The following RGS6 variants were observed in gnomAD, a reference collection of about 807,000 sequenced individuals.
The protein encoded by RGS6 is regulator of G-protein signaling 6.
In RGS6, 30 loss-of-function variants were observed where a neutral mutation model predicts 78.5. That is an observed-to-expected ratio of 0.38 (90% CI 0.29 to 0.52). The LOEUF (loss-of-function observed/expected upper bound fraction) is 0.52, where lower values mean the gene tolerates loss of function less well. Ranked by LOEUF, RGS6 falls within the 20% of genes least tolerant of loss-of-function variation. The probability of loss-of-function intolerance (pLI) is 0.85; values close to 1 mark genes in which losing one functional copy is unlikely to be tolerated. For synonymous variants in RGS6, 206 were observed against 206.0 expected (o/e 1.00, Z 0.00); for missense variants, 495 against 609.7 (o/e 0.81, Z 1.98).
chr14:72,131,562 ATTGTCAAGT>A (rs2096316955), intron 2 of RGS6, among the ~76,000 whole-genome samples: 1 of 152,168 alleles, frequency 6.6e-6, no homozygotes. Flanking sequence ...GGTAACAGAA[ATTGTCAAGT>A]GCAAAGAAAC....
intron 2 of RGS6, among the ~76,000 whole-genome samples, chr14:72,336,787 G>C (rs2076103415): frequency 6.6e-6 from 1 of 152,056 alleles, no homozygotes; most frequent in Non-Finnish European, 1.5e-5. Flanking sequence ...TCAAGACAGG[G>C]TTGGTTCCTT....
chr14:72,546,659 T>C (rs1423559703), intron 17 of RGS6, among the ~76,000 whole-genome samples: 1 of 152,216 alleles, frequency 6.6e-6, no homozygotes, highest in African/African-American at 2.4e-5. Flanking sequence ...TGGCTTTCCC[T>C]GGTGGGCCCT....
intron 14 of RGS6, chr14:72,516,824 A>G (rs2096951585): frequency 6.6e-6 from 1 of 152,348 alleles, no homozygotes; most frequent in African/African-American, 2.4e-5. Flanking sequence ...TATGGCGTAG[A>G]CAGGATGAGG....
At chr14:71,966,815 C>T (rs2093549020) in intron 2 of RGS6, among the ~76,000 whole-genome samples, 1 of 152,030 alleles carries the variant, frequency 6.6e-6, no homozygotes, top group Non-Finnish European at 1.5e-5. Flanking sequence ...ATGATAAAAT[C>T]TCTAAATGTT....
At chr14:72,338,720 C>G (rs1310519835) in intron 2 of RGS6, among the ~76,000 whole-genome samples, 3 of 152,208 alleles carry the variant, frequency 2.0e-5, no homozygotes. Context: ...GTGATACCTG[C>G]TTGGAAAGCA....
At chr14:72,519,539 C>T (rs986391505) in intron 15 of RGS6, among the ~76,000 whole-genome samples, 3 of 152,156 alleles carry the variant, frequency 2.0e-5, no homozygotes, top group African/African-American at 7.2e-5. Context: ...CCAGAATTAC[C>T]TTGTCATTTG....
chr14:72,595,320 G>A, the RGS6 span, among the ~76,000 whole-genome samples: 5 of 152,158 alleles, frequency 3.3e-5, no homozygotes, highest in East Asian at 9.6e-4. Flanking sequence ...TAAGCAACCC[G>A]TATGTGTGGT....
chr14:72,122,772 C>T (rs1422936721), intron 2 of RGS6, among the ~76,000 whole-genome samples: 5 of 149,996 alleles, frequency 3.3e-5, no homozygotes, highest in Admixed American at 3.3e-4. Flanking sequence ...CTATATACTC[C>T]CTAAGAATCT....
intron 2 of RGS6, among the ~76,000 whole-genome samples, chr14:72,086,985 G>A (rs2095066566): frequency 6.6e-6 from 1 of 152,104 alleles, no homozygotes; most frequent in East Asian, 1.9e-4. Flanking sequence ...TTAAATCCAT[G>A]TATTTTCGCT....
chr14:72,221,261 A>T (rs1014442167), intron 2 of RGS6, among the ~76,000 whole-genome samples: 2 of 152,236 alleles, frequency 1.3e-5, no homozygotes, highest in African/African-American at 2.4e-5. Context: ...GCATAAAGTT[A>T]TCCATTGCTC....
intron 12 of RGS6, among the ~76,000 whole-genome samples, chr14:72,494,208 T>C (rs1012247): frequency 0.56 from 85,600 of 152,040 alleles, 24,647 homozygotes; most frequent in East Asian, 0.89. Flanking sequence ...TTGGAAAAAG[T>C]AGTATGATAT....
the RGS6 span, among the ~76,000 whole-genome samples, chr14:71,909,182 G>C: frequency 6.6e-5 from 10 of 152,162 alleles, no homozygotes; most frequent in Non-Finnish European, 1.3e-4. Context: ...GAGTCACTAA[G>C]AAAGGATGGC....
chr14:72,315,641 T>C (rs1446246630), intron 2 of RGS6, among the ~76,000 whole-genome samples: 1 of 152,210 alleles, frequency 6.6e-6, no homozygotes, highest in Admixed American at 6.5e-5. Flanking sequence ...ACCAGTGTTG[T>C]TTAAGAGCTA....
At chr14:72,373,947 G>A (rs566325965) in intron 3 of RGS6, among the ~76,000 whole-genome samples, 2 of 151,658 alleles carry the variant, frequency 1.3e-5, no homozygotes, top group South Asian at 4.2e-4. Flanking sequence ...AAAGACTACA[G>A]AAAGTTTAAA....
intron 3 of RGS6, among the ~76,000 whole-genome samples, chr14:72,373,702 AAGAC>A (rs751203717): frequency 5.3e-5 from 8 of 152,274 alleles, no homozygotes; most frequent in Admixed American, 3.3e-4. Flanking sequence ...TAATAGGTGA[AAGAC>A]AGGAGAAAAA....
At chr14:72,105,434 C>T (rs138032603) in intron 2 of RGS6, among the ~76,000 whole-genome samples, 56 of 152,298 alleles carry the variant, frequency 3.7e-4, no homozygotes, top group Admixed American at 1.6e-3. Flanking sequence ...AGCAGGCATA[C>T]AGACATTTGT....
rs1168014738 is a variant in RGS6 at position 72,354,887 on chromosome 14, A to G, written c.184+2693A>G. ...ATGTAAATGAAATTTTACTATATAT[A>G]TTATTCATGTATAATATACAGTATA... is the stretch of plus-strand genomic sequence containing the variant. On this transcript the variant is annotated intron_variant, in intron 3 of 17. Transcript: ENST00000553525. Among the ~76,000 whole-genome samples the G allele has an allele frequency of 1.3e-5, 2 of 152,102 alleles. 1 individual carries two copies. Among genetic ancestry groups the G allele is most frequent in the East Asian group, 3.8e-4 (2 of 5,204 alleles).
At chr14:72,135,317 C>T (rs1363537965) in intron 2 of RGS6, among the ~76,000 whole-genome samples, 2 of 152,230 alleles carry the variant, frequency 1.3e-5, no homozygotes, top group Admixed American at 1.3e-4. Flanking sequence ...GACTGTGAGG[C>T]AGAGACTCGC....
intron 2 of RGS6, among the ~76,000 whole-genome samples, chr14:72,117,419 A>G (rs956864257): frequency 4.0e-5 from 6 of 151,490 alleles, no homozygotes; most frequent in African/African-American, 1.2e-4. Flanking sequence ...TCCCCATGTG[A>G]TGCATTGGCT....
Sources: allele counts gnomAD v4.1 joint callset (sites outside exome capture counted in the v4.1 genomes callset), GRCh38; gene constraint gnomAD v4.1.1; transcripts MANE v1.5; gene names NCBI Gene and HGNC (gene_info 2026-07-23, HGNC 2026-07-21).